Variants in TANGO6 observed in about 807,000 individuals in gnomAD.
The protein encoded by TANGO6 is transport and golgi organization 6 homolog.
Under a neutral mutation model 114.2 loss-of-function variants are expected in TANGO6, and 90 were observed. That is an observed-to-expected ratio of 0.79 (90% CI 0.66 to 0.94). TANGO6 has a LOEUF of 0.94. TANGO6 is among the 40% of genes least tolerant of loss of function. The pLI, the probability that TANGO6 is intolerant of heterozygous loss-of-function variation, is 0.00. For synonymous variants in TANGO6, 477 were observed against 509.8 expected, an observed-to-expected ratio of 0.94 and a Z score of 0.87; for missense variants, 1,274 against 1,315.3, an observed-to-expected ratio of 0.97 and a Z score of 0.49.
At chr16:68,869,910 A>G (rs1425606642) in intron 4 of TANGO6, among the ~76,000 whole-genome samples, 1 of 152,150 alleles carries the variant, frequency 6.6e-6, no homozygotes, top group Non-Finnish European at 1.5e-5. Flanking sequence ...GGCAGAGTGC[A>G]GGTAGAGTGG....
At chr16:69,040,994 A>G (rs146498660) in intron 17 of TANGO6, among the ~76,000 whole-genome samples, 61 of 152,108 alleles carry the variant, frequency 4.0e-4, no homozygotes, top group African/African-American at 1.2e-3. Context: ...AGAATGAGCG[A>G]CCTCTAAATT....
chr16:68,868,484 AT>A (rs2152162863), intron 4 of TANGO6, among the ~76,000 whole-genome samples: 1 of 131,122 alleles, frequency 7.6e-6, no homozygotes, highest in East Asian at 2.2e-4. Context: ...ATTTACCTCT[AT>A]ATTTCTATTT....
intron 7 of TANGO6, among the ~76,000 whole-genome samples, chr16:68,898,918 ACTT>A (rs891257979): frequency 1.3e-5 from 2 of 151,128 alleles, no homozygotes; most frequent in South Asian, 2.1e-4. Flanking sequence ...ACATTTTTGT[ACTT>A]CTTAAGATAC....
At chr16:68,955,645 A>G (rs1963522060) in intron 14 of TANGO6, among the ~76,000 whole-genome samples, 1 of 152,232 alleles carries the variant, frequency 6.6e-6, no homozygotes, top group Non-Finnish European at 1.5e-5. Context: ...TAAAGGAGAA[A>G]GATTCAGGAG....
chr16:69,006,744 C>G lies in TANGO6; in HGVS notation c.2843-16084C>G, dbSNP rs1005287348. Among the ~76,000 whole-genome samples the G allele has an allele frequency of 2.0e-5, 3 of 152,186 alleles. No homozygotes were observed. In the South Asian group the frequency reaches 6.2e-4, roughly 32 times the overall value. On this transcript the variant is annotated intron_variant, in intron 15 of 17. Coordinates refer to ENST00000261778, the MANE Select transcript of TANGO6 (RefSeq NM_024562.2). ...CCAGCCTGGGTAACAGAGCGAGACT[C>G]TGTCTCAAAACAAAAATAAAAACAA...
chr16:68,846,180 A>G (rs925746586), intron 1 of TANGO6, among the ~76,000 whole-genome samples: 4 of 151,472 alleles, frequency 2.6e-5, no homozygotes, highest in Non-Finnish European at 4.4e-5. Flanking sequence ...CATGCGCCAC[A>G]TGCCCGGCTA....
intron 17 of TANGO6, among the ~76,000 whole-genome samples, chr16:69,076,673 C>T (rs1421617336): frequency 1.3e-5 from 2 of 152,170 alleles, no homozygotes; most frequent in Admixed American, 1.3e-4. Context: ...CCTCCATTTG[C>T]CCACTCTTAA....
intron 14 of TANGO6, among the ~76,000 whole-genome samples, chr16:68,957,618 C>T (rs767612780): frequency 6.6e-6 from 1 of 151,750 alleles, no homozygotes; most frequent in Non-Finnish European, 1.5e-5. Context: ...AGGCTGGTCT[C>T]GAACTCCCAA....
At chr16:68,933,107 C>G (rs967867723) in intron 14 of TANGO6, among the ~76,000 whole-genome samples, 1 of 152,022 alleles carries the variant, frequency 6.6e-6, no homozygotes, top group Non-Finnish European at 1.5e-5. Flanking sequence ...CTGAGTAGGC[C>G]GATTCTGTCA....
intron 14 of TANGO6, among the ~76,000 whole-genome samples, chr16:68,965,827 T>A (rs770420395): frequency 2.6e-4 from 40 of 152,000 alleles, no homozygotes; most frequent in Non-Finnish European, 4.9e-4. Flanking sequence ...ATAAAATTTT[T>A]AAAATAAGAA....
intron 16 of TANGO6, among the ~76,000 whole-genome samples, chr16:69,024,056 C>T (rs911231366): frequency 5.9e-5 from 9 of 151,584 alleles, no homozygotes; most frequent in African/African-American, 1.9e-4. Context: ...CATGTGTCAC[C>T]ACACCTGGCC....
At chr16:68,936,176 C>G (rs901347792) in intron 14 of TANGO6, among the ~76,000 whole-genome samples, 3 of 152,042 alleles carry the variant, frequency 2.0e-5, no homozygotes, top group Non-Finnish European at 4.4e-5. Context: ...AGAGTGACAC[C>G]TTATCTCAAA....
At chr16:68,981,590 C>A (rs1963837585) in intron 15 of TANGO6, among the ~76,000 whole-genome samples, 1 of 152,074 alleles carries the variant, frequency 6.6e-6, no homozygotes, top group Admixed American at 6.6e-5. Flanking sequence ...TATTACTGTG[C>A]CCAAGATAAT....
chr16:68,853,520 T>C (rs554157629), intron 1 of TANGO6, among the ~76,000 whole-genome samples: 1 of 152,326 alleles, frequency 6.6e-6, no homozygotes, highest in East Asian at 1.9e-4. Context: ...TAGAATTTAA[T>C]ATAAACAAGA....
At chr16:68,904,835 A>G (rs933718643) in intron 9 of TANGO6, among the ~76,000 whole-genome samples, 3 of 152,180 alleles carry the variant, frequency 2.0e-5, no homozygotes, top group African/African-American at 7.2e-5. Context: ...ATGGTGGTTC[A>G]TACTGGTAAT....
intron 16 of TANGO6, among the ~76,000 whole-genome samples, chr16:69,029,504 C>T (rs193086211): frequency 3.2e-3 from 485 of 152,166 alleles, no homozygotes; most frequent in Middle Eastern, 0.01. Context: ...TTTCAATCTT[C>T]ATTCCATTCT....
At chr16:68,856,866 T>C (rs891194477) in intron 1 of TANGO6, among the ~76,000 whole-genome samples, 2 of 152,216 alleles carry the variant, frequency 1.3e-5, no homozygotes, top group African/African-American at 4.8e-5. Context: ...TCCCAGCACT[T>C]TGGGAGGCTA....
chr16:68,917,699 G>A (rs915829072), intron 11 of TANGO6, among the ~76,000 whole-genome samples: 9 of 151,984 alleles, frequency 5.9e-5, no homozygotes, highest in South Asian at 2.1e-4. Flanking sequence ...CTTTTTTGCC[G>A]TCTGTATATT....
At chr16:68,981,035 T>A (rs1963830999) in intron 15 of TANGO6, among the ~76,000 whole-genome samples, 1 of 152,098 alleles carries the variant, frequency 6.6e-6, no homozygotes, top group South Asian at 2.1e-4. Context: ...TCAGTCTCTT[T>A]TATTTAAGGA....
Sources: gnomAD v4.1 joint callset for allele counts (sites outside exome capture counted in the v4.1 genomes callset) on GRCh38, gnomAD v4.1.1 for gene constraint, MANE v1.5 for transcripts, NCBI Gene and HGNC (gene_info 2026-07-23, HGNC 2026-07-21) for gene names.